SLC25A43: variants seen among roughly 807,000 people sequenced by gnomAD.
SLC25A43 encodes the protein solute carrier family 25 member 43.
A neutral mutation model predicts 22.8 loss-of-function variants in SLC25A43; 10 were observed. The observed-to-expected ratio is 0.44, with a 90% confidence interval of 0.27 to 0.74. SLC25A43 has a LOEUF of 0.74. SLC25A43 is among the 30% of genes least tolerant of loss of function. SLC25A43 has a pLI of 0.17. For missense variants in SLC25A43, 233 were observed against 279.1 expected (o/e 0.83, Z 1.18); for synonymous variants, 106 against 121.6 (o/e 0.87, Z 0.84).
Position 119,434,301 on chromosome X carries a change from C to T in SLC25A43, c.691-17708C>T, listed in dbSNP as rs1024187546. Among the ~76,000 whole-genome samples, 4 of 109,282 alleles carry T rather than the reference C, an allele frequency of 3.7e-5. No homozygotes were observed. The Admixed American group carries it at 4.0e-4, about 11-fold the overall frequency. The allele number at this position is 109,282 out of a possible 115,157, so 94.9% of individuals were successfully genotyped here. On this transcript the variant is annotated intron_variant, in intron 3 of 4. Transcript: ENST00000217909. ...GCAAAATCAAGAGTTCTGATTAGGACATATAAAGTTTCAGATGTTCAGTAG... is the reference window on the plus strand; with the variant it reads ...GCAAAATCAAGAGTTCTGATTAGGATATATAAAGTTTCAGATGTTCAGTAG...
chrX:119,445,827 T>G (rs1569376977), intron 3 of SLC25A43, among the ~76,000 whole-genome samples: 1 of 111,128 alleles, frequency 9.0e-6, no homozygotes, highest in Non-Finnish European at 1.9e-5. Context: ...GGAGATCTAG[T>G]AATCAGAAGG....
chrX:119,416,736 A>G (rs1388554648), intron 3 of SLC25A43, among the ~76,000 whole-genome samples: 2 of 111,883 alleles, frequency 1.8e-5, no homozygotes, highest in Non-Finnish European at 3.8e-5. Flanking sequence ...TTTACTTTCA[A>G]TCTTCTTTCT....
intron 3 of SLC25A43, among the ~76,000 whole-genome samples, chrX:119,412,889 A>G (rs754009429): frequency 5.4e-5 from 6 of 110,399 alleles, no homozygotes; most frequent in Non-Finnish European, 9.5e-5. Context: ...GAAGGCCAAG[A>G]TGGGAGGATC....
intron 3 of SLC25A43, among the ~76,000 whole-genome samples, chrX:119,430,921 A>G (rs1485550219): frequency 8.9e-6 from 1 of 111,797 alleles, no homozygotes; most frequent in Non-Finnish European, 1.9e-5. Context: ...TAAAGAACTC[A>G]TTCAGTGTAC....
chrX:119,399,698 G>C lies in SLC25A43; in HGVS notation c.275+20G>C. The C allele has an allele frequency of 1.0e-6, 1 of 989,494 alleles. No individual in the cohort carries two copies. The highest frequency in any genetic ancestry group is 1.3e-6 in the Non-Finnish European group (1 of 786,828). 81.5% of individuals were successfully genotyped at this position (989,494 alleles called of 1,213,427 possible). On this transcript the variant is annotated intron_variant, in intron 1 of 4. Transcript: ENST00000217909. ...CCGCAAGTAAGAGCCGGGCGGGGCC[G>C]GGGAACCGGGAGACCGGACGGGGGT...
chrX:119,448,099 G>A (rs1414911148), intron 3 of SLC25A43, among the ~76,000 whole-genome samples: 1 of 111,238 alleles, frequency 9.0e-6, no homozygotes, highest in African/African-American at 3.3e-5. Context: ...CGTCACTTAG[G>A]CCAGAAACTT....
intron 3 of SLC25A43, among the ~76,000 whole-genome samples, chrX:119,414,194 A>C (rs2052377993): frequency 8.9e-6 from 1 of 112,533 alleles, no homozygotes; most frequent in African/African-American, 3.2e-5. Context: ...GCAAGGTTGC[A>C]CTGGCCCTTT....
intron 3 of SLC25A43, among the ~76,000 whole-genome samples, chrX:119,430,179 T>TA (rs1345909396): frequency 6.3e-5 from 7 of 111,967 alleles, no homozygotes; most frequent in Non-Finnish European, 1.1e-4. Context: ...ACTAGTAAGA[T>TA]ACAGTTTGGA....
chrX:119,427,423 G>A (rs1397408576), intron 3 of SLC25A43, among the ~76,000 whole-genome samples: 4 of 112,206 alleles, frequency 3.6e-5, no homozygotes, highest in African/African-American at 1.3e-4. Context: ...GGGATCAAGG[G>A]GAGCTTGTAG....
intron 3 of SLC25A43, among the ~76,000 whole-genome samples, chrX:119,451,078 G>A (rs1307192089): frequency 9.0e-6 from 1 of 111,414 alleles, no homozygotes; most frequent in African/African-American, 3.3e-5. Flanking sequence ...CAGGAGAATC[G>A]CTTGAACCCG....
intron 3 of SLC25A43, among the ~76,000 whole-genome samples, chrX:119,421,877 GTTA>G (rs2052456303): frequency 9.0e-6 from 1 of 111,531 alleles, no homozygotes; most frequent in African/African-American, 3.3e-5. Flanking sequence ...CAAGGGCATA[GTTA>G]TTTTGTTCTA....
intron 1 of SLC25A43, among the ~76,000 whole-genome samples, chrX:119,402,294 C>T (rs914359459): frequency 1.8e-5 from 2 of 111,764 alleles, no homozygotes; most frequent in Admixed American, 1.9e-4. Flanking sequence ...TCTTCTGGCT[C>T]CTTAGTTCAG....
chrX:119,434,160 G>A (rs753282902), intron 3 of SLC25A43, among the ~76,000 whole-genome samples: 11 of 110,654 alleles, frequency 9.9e-5, no homozygotes, highest in Non-Finnish European at 1.9e-4. Context: ...TCAGAGAAAG[G>A]TGAGAGACAG....
In SLC25A43 at chrX:119,406,708, T is replaced by A; in HGVS notation, c.517+7T>A. The stretch of plus-strand genomic sequence containing the variant: ...GTTTCCCTCACTGTTGTAGGTAAGA[T>A]GGACCTTTTCACCTTGTCCAAGAAA... On this transcript the variant is annotated splice_region_variant and intron_variant, in intron 2 of 4. Coordinates refer to ENST00000217909, the MANE Select transcript of SLC25A43 (RefSeq NM_145305.3). The A allele has an allele frequency of 8.3e-7, 1 of 1,208,465 alleles. No individual in the cohort carries two copies. Among genetic ancestry groups the A allele is most frequent in the Non-Finnish European group, 1.1e-6 (1 of 893,394 alleles).
In SLC25A43 at chrX:119,432,784, TA is replaced by T. The variant is rs35181029; in HGVS notation, c.691-19204del. Among the ~76,000 whole-genome samples, 644 of 71,404 alleles carry T rather than the reference TA, an allele frequency of 9.0e-3. 5 individuals carry two copies. Among genetic ancestry groups the T allele is most frequent in the African/African-American group, 0.026 (486 of 18,427 alleles). The allele number at this position is 71,404 out of a possible 115,157, so 62.0% of individuals were successfully genotyped here. A position where few individuals can be genotyped will look rare whatever the true frequency, so the allele number is the denominator to read the frequency against. On this transcript the variant is annotated intron_variant, in intron 3 of 4. Transcript: ENST00000217909. ...GCCTCAGTGACAGAGCGAGATTCCA[TA>T]AAAAAAAAAAAAAAAAAAAACTTTT...
intron 3 of SLC25A43, among the ~76,000 whole-genome samples, chrX:119,428,245 A>G (rs1369134396): frequency 8.9e-6 from 1 of 111,887 alleles, no homozygotes; most frequent in Admixed American, 9.5e-5. Flanking sequence ...ACTTGAGGTC[A>G]GGAGTTCAAG....
In SLC25A43 at chrX:119,453,786, G is replaced by C. The variant is rs897270793; in HGVS notation, c.*721G>C. On this transcript the variant is annotated 3_prime_UTR_variant, in exon 5 of 5. Transcript: ENST00000217909. ...TCCTCCTGCCTTGGCCTCCCAAAGCGCTAGGATTAGAGGTGTGAGCCGCTG... is the reference window on the plus strand; with the variant it reads ...TCCTCCTGCCTTGGCCTCCCAAAGCCCTAGGATTAGAGGTGTGAGCCGCTG... 8.9e-6 allele frequency: 1 copy of C among 112,371 alleles called. No individual in the cohort carries two copies. The allele number at this position is 112,371 out of a possible 1,213,427, so 9.3% of individuals were successfully genotyped here. A position where few individuals can be genotyped will look rare whatever the true frequency, so the allele number is the denominator to read the frequency against.
intron 3 of SLC25A43, among the ~76,000 whole-genome samples, chrX:119,420,281 G>A (rs1354437318): frequency 1.9e-5 from 2 of 102,568 alleles, no homozygotes; most frequent in South Asian, 4.5e-4. Flanking sequence ...ATCTGTCTGC[G>A]TTAGATCCTT....
chrX:119,404,407 T>C (rs747689480), intron 1 of SLC25A43, among the ~76,000 whole-genome samples: 58 of 111,402 alleles, frequency 5.2e-4, no homozygotes, highest in African/African-American at 1.8e-3. Context: ...AGGGAAATAG[T>C]TAATGTTTAC....
Sources: allele counts gnomAD v4.1 joint callset (sites outside exome capture counted in the v4.1 genomes callset), GRCh38; gene constraint gnomAD v4.1.1; transcripts MANE v1.5; gene names NCBI Gene and HGNC (gene_info 2026-07-23, HGNC 2026-07-21).